The following MYO5B variants were observed in gnomAD, a reference collection of about 807,000 sequenced individuals.
The protein encoded by MYO5B is myosin VB.
In MYO5B, 143 loss-of-function variants were observed where a neutral mutation model predicts 229.3. The observed-to-expected ratio is 0.62, with a 90% CI of 0.54 to 0.72. The LOEUF is 0.72. Ranked by LOEUF, MYO5B falls within the 30% of genes least tolerant of loss-of-function variation. The probability of loss-of-function intolerance (pLI) is 0.00; values close to 1 mark genes in which losing one functional copy is unlikely to be tolerated. For missense variants in MYO5B, 2,321 were observed against 2,331.0 expected (o/e 1.00, Z 0.09); for synonymous variants, 918 against 885.2 (o/e 1.04, Z -0.66).
At position 50,151,776 on chromosome 18, in the gene MYO5B, G is replaced by C. The variant is rs192209426; in HGVS notation, c.27+42991C>G. ...TTTGGCTCCCTGGAGTCTGTACTCG[G>C]ATGTTCAAAGGATGTGAGTGAGGAT... On this transcript the variant is annotated intron_variant, in intron 1 of 39. Coordinates refer to ENST00000285039, the MANE Select transcript of MYO5B (RefSeq NM_001080467.3). Among the ~76,000 whole-genome samples the C allele has an allele frequency of 3.8e-3, 572 of 152,110 alleles. 2 individuals carry two copies. Among genetic ancestry groups the C allele is most frequent in the Admixed American group, 9.2e-3 (140 of 15,268 alleles).
At chr18:50,155,394 A>G (rs537797067) in intron 1 of MYO5B, among the ~76,000 whole-genome samples, 6 of 152,380 alleles carry the variant, frequency 3.9e-5, no homozygotes, top group Non-Finnish European at 7.3e-5. Context: ...AAAGAACTAC[A>G]AATGGTATTT....
intron 4 of MYO5B, among the ~76,000 whole-genome samples, chr18:50,014,911 T>C (rs1013311670): frequency 1.3e-5 from 2 of 152,218 alleles, no homozygotes; most frequent in African/African-American, 4.8e-5. Context: ...TAAGGGACCA[T>C]GCCTAGCACG....
chr18:50,095,976 A>G lies in MYO5B; in HGVS notation c.28-40598T>C, dbSNP rs75519872. Among the ~76,000 whole-genome samples the G allele has an allele frequency of 5.3e-5, 8 of 152,272 alleles. No individual in the cohort carries two copies. In the East Asian group the frequency reaches 1.5e-3, roughly 29 times the overall value. On this transcript the variant is annotated intron_variant, in intron 1 of 39. Coordinates refer to ENST00000285039, the MANE Select transcript of MYO5B (RefSeq NM_001080467.3). ...AAGTTTGGTGAGCAGGTAGGTCAATATCACCCACCTCCCAATCCCAATTCA... is the reference window on the plus strand; with the variant it reads ...AAGTTTGGTGAGCAGGTAGGTCAATGTCACCCACCTCCCAATCCCAATTCA...
intron 1 of MYO5B, among the ~76,000 whole-genome samples, chr18:50,142,849 G>A (rs1320579311): frequency 1.3e-5 from 2 of 152,228 alleles, no homozygotes; most frequent in African/African-American, 4.8e-5. Context: ...GGCATACCAT[G>A]TGAAATCACA....
intron 22 of MYO5B, among the ~76,000 whole-genome samples, chr18:49,891,316 A>G (rs1178425782): frequency 6.6e-6 from 1 of 152,112 alleles, no homozygotes; most frequent in Non-Finnish European, 1.5e-5. Context: ...CATACCCCTC[A>G]GGCCCCCACA....
At chr18:50,034,394 T>C (rs1422114337) in intron 4 of MYO5B, among the ~76,000 whole-genome samples, 1 of 152,218 alleles carries the variant, frequency 6.6e-6, no homozygotes, top group Non-Finnish European at 1.5e-5. Flanking sequence ...AGGCTTCCAA[T>C]GTACATCTCA....
In MYO5B at chr18:49,913,005, T is replaced by A. The variant is rs9966454; in HGVS notation, c.2091-832A>T. On this transcript the variant is annotated intron_variant, in intron 17 of 39. Transcript: ENST00000285039. Reference sequence around the variant, plus strand: ...CCTGGAGAGATAACATGGTTTATGTTTTAATCAGTATAGAAGGAACCATTT... The same window carrying A: ...CCTGGAGAGATAACATGGTTTATGTATTAATCAGTATAGAAGGAACCATTT... Among the ~76,000 whole-genome samples the A allele has an allele frequency of 6.3e-3, 966 of 152,350 alleles. 15 individuals carry two copies. The highest frequency in any genetic ancestry group is 0.022 in the African/African-American group (933 of 41,566).
intron 1 of MYO5B, among the ~76,000 whole-genome samples, chr18:50,089,478 C>G (rs2031400182): frequency 6.6e-6 from 1 of 151,730 alleles, no homozygotes; most frequent in Admixed American, 6.6e-5. Flanking sequence ...TGGCTCATGC[C>G]TGTAATCTCA....
intron 1 of MYO5B, among the ~76,000 whole-genome samples, chr18:50,093,231 G>GGC (rs1395526224): frequency 1.4e-5 from 2 of 147,466 alleles, no homozygotes; most frequent in Non-Finnish European, 3.0e-5. Context: ...CACACAGAGA[G>GGC]GCACACACAC....
intron 1 of MYO5B, among the ~76,000 whole-genome samples, chr18:50,083,277 T>C (rs1354179947): frequency 6.6e-6 from 1 of 152,144 alleles, no homozygotes; most frequent in Non-Finnish European, 1.5e-5. Context: ...CCCCACCATT[T>C]AGAGTTTTTT....
At chr18:50,135,974 C>G (rs1202116877) in intron 1 of MYO5B, among the ~76,000 whole-genome samples, 2 of 152,204 alleles carry the variant, frequency 1.3e-5, no homozygotes, top group Non-Finnish European at 2.9e-5. Flanking sequence ...TGTTCGTTAT[C>G]ATCCTATTTG....
At chr18:50,064,422 A>C in intron 1 of MYO5B, 1 of 152,230 alleles carries the variant, frequency 6.6e-6, no homozygotes, top group South Asian at 2.1e-4. Flanking sequence ...CAAGTAGCTA[A>C]AACTGTTAAA....
intron 34 of MYO5B, among the ~76,000 whole-genome samples, chr18:49,842,538 G>A (rs1023755840): frequency 6.6e-6 from 1 of 152,236 alleles, no homozygotes; most frequent in African/African-American, 2.4e-5. Context: ...TCGGGGCACA[G>A]GCCTGCTAGC....
At chr18:50,028,629 T>C (rs2026356649) in intron 4 of MYO5B, among the ~76,000 whole-genome samples, 1 of 152,218 alleles carries the variant, frequency 6.6e-6, no homozygotes, top group South Asian at 2.1e-4. Flanking sequence ...AGTAAACTGC[T>C]GTGTGATACA....
intron 1 of MYO5B, among the ~76,000 whole-genome samples, chr18:50,137,591 T>C (rs2032354647): frequency 6.6e-6 from 1 of 152,158 alleles, no homozygotes; most frequent in Middle Eastern, 3.2e-3. Flanking sequence ...CAAAGAGCTA[T>C]AAACAGAACC....
At chr18:49,931,067 T>A (rs2025185240) in intron 16 of MYO5B, among the ~76,000 whole-genome samples, 2 of 152,126 alleles carry the variant, frequency 1.3e-5, no homozygotes, top group Non-Finnish European at 2.9e-5. Flanking sequence ...GAACAAATGC[T>A]CCCTTTCCTT....
intron 39 of MYO5B, among the ~76,000 whole-genome samples, chr18:49,828,607 A>C (rs1001650680): frequency 6.6e-6 from 1 of 152,214 alleles, no homozygotes; most frequent in Admixed American, 6.5e-5. Context: ...GGAACACCCC[A>C]CTTAGCAGCA....
At chr18:49,885,270 G>C (rs551482615) in intron 22 of MYO5B, among the ~76,000 whole-genome samples, 50 of 152,228 alleles carry the variant, frequency 3.3e-4, no homozygotes, top group Middle Eastern at 3.4e-3. Flanking sequence ...TGTGTAGAAA[G>C]AGTCTCAAAA....
At chr18:50,028,436 G>A (rs1391342792) in intron 4 of MYO5B, among the ~76,000 whole-genome samples, 1 of 152,114 alleles carries the variant, frequency 6.6e-6, no homozygotes, top group African/African-American at 2.4e-5. Context: ...ACATCTCAGG[G>A]TGGCCAGATA....
Sources: allele counts gnomAD v4.1 joint callset (sites outside exome capture counted in the v4.1 genomes callset), GRCh38; gene constraint gnomAD v4.1.1; transcripts MANE v1.5; gene names NCBI Gene and HGNC (gene_info 2026-07-23, HGNC 2026-07-21).